RPS26: variants seen among roughly 807,000 people sequenced by gnomAD.
RPS26 encodes the protein small ribosomal subunit protein eS26.
RPS26 carries 1 observed loss-of-function variant against 14.7 expected under a neutral mutation model. That is an observed-to-expected ratio of 0.07 (90% confidence interval 0.02 to 0.32). RPS26 has a LOEUF of 0.32. Ranked by LOEUF, RPS26 falls within the 10% of genes least tolerant of loss-of-function variation. The pLI, the probability that RPS26 is intolerant of heterozygous loss-of-function variation, is 1.00. For missense variants in RPS26, 63 were observed against 157.7 expected, an observed-to-expected ratio of 0.40 and a Z score of 3.22; for synonymous variants, 59 against 53.1, an observed-to-expected ratio of 1.11 and a Z score of -0.48.
In RPS26 at chr12:56,042,135, A is replaced by G. The variant is rs1377257840; in HGVS notation, c.-32A>G. 1.2e-6 allele frequency: 2 copies of G among 1,613,558 alleles called. No homozygotes were observed. The highest frequency in any genetic ancestry group is 1.3e-5 in the African/African-American group (1 of 74,890). On this transcript the variant is annotated 5_prime_UTR_variant, in exon 1 of 4. Coordinates refer to ENST00000646449, the MANE Select transcript of RPS26 (RefSeq NM_001029.5). ...GCTATATAGGAGGGCCCTGCCAGGC[A>G]CCGTCTCCTCTCTCCGGTCCGTGCC...
In RPS26 at chr12:56,044,268, G is replaced by T; in HGVS notation, c.*114G>T. On this transcript the variant is annotated 3_prime_UTR_variant, in exon 4 of 4. Transcript: ENST00000646449. ...CTGTGCCAGATAAGGTGGGGATTTT[G>T]TGTGTTAGACCAAGTGTGAAGTGAC... The T allele has an allele frequency of 2.5e-6, 2 of 814,530 alleles. No individual in the cohort carries two copies. Among genetic ancestry groups the T allele is most frequent in the Non-Finnish European group, 2.1e-6 (1 of 473,792 alleles). The allele number at this position is 814,530 out of a possible 1,614,324, so 50.5% of individuals were successfully genotyped here.
In RPS26 at chr12:56,044,410, C is replaced by CCTG; in HGVS notation, c.*256_*257insCTG. On this transcript the variant is annotated 3_prime_UTR_variant, in exon 4 of 4. Transcript: ENST00000646449. ...CCAAGCTGAATTGCAGTGGCGTGAT[C>CCTG]TCAGCTCACTGCAACCTCCGTCTCC... 2.4e-6 allele frequency: 1 copy of CCTG among 415,346 alleles called. No homozygotes were observed. The highest frequency in any genetic ancestry group is 4.1e-6 in the Non-Finnish European group (1 of 244,182). The allele number at this position is 415,346 out of a possible 1,614,324, so 25.7% of individuals were successfully genotyped here.
chr12:56,041,996 C>A lies in RPS26; in HGVS notation c.-171C>A. On this transcript the variant is annotated 5_prime_UTR_variant, in exon 1 of 4. Transcript: ENST00000646449. ...TAAATAAACACTAGGAACGCATTTC[C>A]ACCCTAGATTTCAGCAGAAATGCTG... The A allele has an allele frequency of 1.4e-6, 1 of 733,926 alleles. No homozygotes were observed. The highest frequency in any genetic ancestry group is 2.4e-6 in the Non-Finnish European group (1 of 409,440). The allele number at this position is 733,926 out of a possible 1,614,324, so 45.5% of individuals were successfully genotyped here.
Position 56,042,162 on chromosome 12 carries a change from C to G in RPS26, c.-5C>G, listed in dbSNP as rs777209157. ...CGTCTCCTCTCTCCGGTCCGTGCCT[C>G]CAAGATGGTGAGTCTTCTTGCGTGG... On this transcript the variant is annotated 5_prime_UTR_variant, in exon 1 of 4. Transcript: ENST00000646449. 3 of 1,614,130 alleles carry G rather than the reference C, an allele frequency of 1.9e-6. No homozygotes were observed. Among genetic ancestry groups the G allele is most frequent in the Non-Finnish European group, 2.5e-6 (3 of 1,180,032 alleles).
Position 56,043,507 on chromosome 12 carries a change from AAGG to A in RPS26, c.312+17_312+19del, listed in dbSNP as rs747935729. 8 of 1,613,828 alleles carry A rather than the reference AAGG, an allele frequency of 5.0e-6. No homozygotes were observed. Among genetic ancestry groups the A allele is most frequent in the South Asian group, 4.4e-5 (4 of 91,072 alleles). ...TTTAGACCTGCGGTGAGTATTTTAA[AAGG>A]AGAATGGAAGCCAGGGGAGTGATGG... On this transcript the variant is annotated intron_variant, in intron 3 of 3. Transcript: ENST00000646449.
intron 2 of RPS26, chr12:56,042,868 G>T: frequency 1.8e-6 from 1 of 552,362 alleles, no homozygotes; most frequent in Non-Finnish European, 3.2e-6. Context: ...CTAGAAACTT[G>T]GTAAATTTGA....
chr12:56,042,517 G>A lies in RPS26; in HGVS notation c.96G>A (p.Lys32=), dbSNP rs1472827120. The change falls in exon 2 of 4, where the codon AAG becomes AAA. Residue 32 remains lysine, a synonymous_variant. Transcript: ENST00000646449. ...RCTNCARCVP[K]DKAIKKFVIR... is the part of the protein sequence containing the mutation. The stretch of plus-strand genomic sequence containing the variant: ...CTAACTGTGCCCGATGCGTGCCCAA[G>A]GACAAGGCCATTAAGAAATTCGTCA... The A allele has an allele frequency of 1.1e-5, 17 of 1,603,756 alleles. No individual in the cohort carries two copies. In the East Asian group the frequency reaches 3.6e-4, roughly 34 times the overall value.
intron 3 of RPS26, 41 bp from the exon 4 acceptor site, chr12:56,044,078 C>T (rs762327623): frequency 6.3e-7 from 1 of 1,583,572 alleles, no homozygotes; most frequent in South Asian, 1.1e-5. Context: ...AGTCTTGGAT[C>T]CATGGGTTTT....
intron 1 of RPS26, 112 bp downstream of exon 1, chr12:56,042,281 C>G: frequency 1.3e-6 from 2 of 1,526,400 alleles, no homozygotes; most frequent in Non-Finnish European, 1.8e-6. Flanking sequence ...ATTTCATTTG[C>G]TCTGGGGGTC....
At position 56,043,993 on chromosome 12, in the gene RPS26, T is replaced by TAG. The variant is rs56921074; in HGVS notation, c.313-126_313-125insAG. On this transcript the variant is annotated intron_variant, in intron 3 of 3. Transcript: ENST00000646449. ...GAGTAGTGTTCTCCCTCCACCTCTATCAGCTTCCCATGCATTTGTAGCCTG... is the reference window on the plus strand; with the variant it reads ...GAGTAGTGTTCTCCCTCCACCTCTATAGCAGCTTCCCATGCATTTGTAGCCTG... 133 of 850,504 alleles carry TAG rather than the reference T, an allele frequency of 1.6e-4. No individual in the cohort carries two copies. In the African/African-American group the frequency reaches 2.0e-3, roughly 13 times the overall value. 52.7% of individuals were successfully genotyped at this position (850,504 alleles called of 1,614,324 possible).
rs2136755496 is a variant in RPS26, at chr12:56,044,326, C to T, written c.*172C>T. On this transcript the variant is annotated 3_prime_UTR_variant, in exon 4 of 4. Coordinates refer to ENST00000646449, the MANE Select transcript of RPS26 (RefSeq NM_001029.5). Reference sequence around the variant, plus strand: ...ATTTTCATGGGGAAGAAAGCTTATTCATGTAATTTAATTTTTTTCTTTTTT... The same window carrying T: ...ATTTTCATGGGGAAGAAAGCTTATTTATGTAATTTAATTTTTTTCTTTTTT... 9 of 485,300 alleles carry T rather than the reference C, an allele frequency of 1.9e-5. No homozygotes were observed. Among genetic ancestry groups the T allele is most frequent in the South Asian group, 2.6e-5 (1 of 38,868 alleles). 30.1% of individuals were successfully genotyped at this position (485,300 alleles called of 1,614,324 possible).
chr12:56,044,001 C>G (rs1895929836), intron 3 of RPS26, 118 bp from the exon 4 acceptor site: 10 of 879,234 alleles, frequency 1.1e-5, no homozygotes, highest in Non-Finnish European at 1.8e-5. Flanking sequence ...TATCAGCTTC[C>G]CATGCATTTG....
Position 56,044,451 on chromosome 12 carries a change from C to T in RPS26, c.*297C>T, listed in dbSNP as rs1012735197. The T allele has an allele frequency of 4.5e-5, 15 of 330,464 alleles. No homozygotes were observed. Among genetic ancestry groups the T allele is most frequent in the African/African-American group, 2.5e-4 (10 of 39,742 alleles). The allele number at this position is 330,464 out of a possible 1,614,324, so 20.5% of individuals were successfully genotyped here. On this transcript the variant is annotated 3_prime_UTR_variant, in exon 4 of 4. Transcript: ENST00000646449. ...CTCCGTCTCCCGGGTTCAAGTGATT[C>T]TCCTGCCTCAGCTTCTTGAGTAGCT... is the stretch of plus-strand genomic sequence containing the variant.
chr12:56,042,730 C>T (rs1895906543), intron 2 of RPS26, 128 bp downstream of exon 2: 3 of 795,390 alleles, frequency 3.8e-6, no homozygotes, highest in East Asian at 2.5e-5. Flanking sequence ...AAGGTTGTTA[C>T]TGGTAGAAGA....
chr12:56,042,724 T>C, intron 2 of RPS26, 122 bp downstream of exon 2: 1 of 814,764 alleles, frequency 1.2e-6, no homozygotes. Context: ...GTATTTAAGG[T>C]TGTTACTGGT....
Position 56,041,932 on chromosome 12 carries a change from A to G in RPS26, c.-235A>G, listed in dbSNP as rs1305719768. 9.8e-6 allele frequency: 6 copies of G among 611,554 alleles called. No homozygotes were observed. In the South Asian group the frequency reaches 1.1e-4, roughly 12 times the overall value. 37.9% of individuals were successfully genotyped at this position (611,554 alleles called of 1,614,324 possible). ...CACATAACCTCGATTTTCTTCCGCCATCCGGCTAAATAGTCCCATGTGCAC... is the reference window on the plus strand; with the variant it reads ...CACATAACCTCGATTTTCTTCCGCCGTCCGGCTAAATAGTCCCATGTGCAC... On this transcript the variant is annotated 5_prime_UTR_variant, in exon 1 of 4. Transcript: ENST00000646449.
chr12:56,042,526 C>T lies in RPS26; in HGVS notation c.105C>T (p.Ala35=). 2 of 1,601,668 alleles carry T rather than the reference C, an allele frequency of 1.2e-6. No individual in the cohort carries two copies. The highest frequency in any genetic ancestry group is 1.7e-6 in the Non-Finnish European group (2 of 1,177,314). The change falls in exon 2 of 4, where the codon GCC becomes GCT. Residue 35 remains alanine, a synonymous_variant. Coordinates refer to ENST00000646449, the MANE Select transcript of RPS26 (RefSeq NM_001029.5). ...CCCGATGCGTGCCCAAGGACAAGGC[C>T]ATTAAGAAATTCGTCATTCGAAACA... ...NCARCVPKDK[A]IKKFVIRNIV...
At chr12:56,042,261 C>T in intron 1 of RPS26, 92 bp downstream of exon 1, 1 of 1,551,546 alleles carries the variant, frequency 6.4e-7, no homozygotes, top group African/African-American at 1.4e-5. Context: ...GAGGGGTGGA[C>T]CGAGTGTACA....
At chr12:56,042,202 C>A in intron 1 of RPS26, 33 bp downstream of exon 1, 1 of 1,613,482 alleles carries the variant, frequency 6.2e-7, no homozygotes, top group Non-Finnish European at 8.5e-7. Flanking sequence ...GGTGGGGGTT[C>A]GGGTGCAGAC....
Sources: gnomAD v4.1 joint callset for allele counts on GRCh38, gnomAD v4.1.1 for gene constraint, MANE v1.5 for transcripts, NCBI Gene and HGNC (gene_info 2026-07-23, HGNC 2026-07-21) for gene names.